The following GID4 variants were observed in gnomAD, a reference collection of about 807,000 sequenced individuals.
The protein encoded by GID4 is glucose-induced degradation protein 4 homolog.
GID4 carries 7 observed loss-of-function variants against 32.4 expected under a neutral mutation model. That is an observed-to-expected ratio of 0.22 (90% confidence interval 0.12 to 0.41). The LOEUF (loss-of-function observed/expected upper bound fraction) is 0.41, where lower values mean the gene tolerates loss of function less well. Among genes scored for constraint, GID4 ranks in the 10% least tolerant of loss-of-function variants. The pLI is 1.00. For synonymous variants in GID4, 166 were observed against 170.0 expected (o/e 0.98, Z 0.18); for missense variants, 309 against 400.0 (o/e 0.77, Z 1.94).
intron 2 of GID4, among the ~76,000 whole-genome samples, chr17:18,052,080 CAAA>C (rs11287932): frequency 1.4e-4 from 18 of 128,122 alleles, no homozygotes; most frequent in Non-Finnish European, 1.7e-4. Context: ...TCCCTCCCCC[CAAA>C]AAAAAAAAAA....
At chr17:18,048,144 G>A (rs569463607) in intron 2 of GID4, among the ~76,000 whole-genome samples, 2 of 151,382 alleles carry the variant, frequency 1.3e-5, no homozygotes, top group Non-Finnish European at 2.9e-5. Context: ...CTCATGATCC[G>A]CCTGTCTCGG....
intron 2 of GID4, among the ~76,000 whole-genome samples, chr17:18,051,982 G>C (rs556788073): frequency 3.3e-5 from 5 of 151,108 alleles, no homozygotes; most frequent in African/African-American, 1.2e-4. Flanking sequence ...GCTGAGGCAG[G>C]AGAATCACCT....
chr17:18,056,819 G>A, intron 3 of GID4: 4 of 1,550,624 alleles, frequency 2.6e-6, no homozygotes, highest in Non-Finnish European at 3.5e-6. Flanking sequence ...GGTTGAGCCA[G>A]GGAGCTGAAC....
At chr17:18,063,478 C>A (rs933816600) in intron 5 of GID4, among the ~76,000 whole-genome samples, 1 of 152,166 alleles carries the variant, frequency 6.6e-6, no homozygotes, top group African/African-American at 2.4e-5. Flanking sequence ...AAGTTTAGAA[C>A]ATTTTCATCA....
At chr17:18,040,773 T>G (rs2044791194) in intron 1 of GID4, among the ~76,000 whole-genome samples, 1 of 152,198 alleles carries the variant, frequency 6.6e-6, no homozygotes, top group Admixed American at 6.5e-5. Context: ...TTAACTTTTC[T>G]CTACACAGGC....
chr17:18,063,004 G>A (rs1300434257), intron 5 of GID4, among the ~76,000 whole-genome samples: 1 of 151,900 alleles, frequency 6.6e-6, no homozygotes, highest in Non-Finnish European at 1.5e-5. Context: ...AACCTGGGAG[G>A]TGGAGCTTGC....
rs769053973 is a variant in GID4 at position 18,039,697 on chromosome 17, C to T, written c.233C>T (p.Ala78Val). ...CCTCTCCCACTCCCCCCAGCCCTGG[C>T]TCCGGGGGACCCCGCGATGCCGGTC... ...AVPLPLPPAL[A>V]PGDPAMPVRT... Residue 78 changes from alanine to valine, a missense_variant, in exon 1 of 6, where the codon GCT becomes GTT. This residue lies in a region of GID4 where 193 missense variants were observed against 185.8 expected (regional missense o/e 1.04). Coordinates refer to ENST00000268719, the MANE Select transcript of GID4 (RefSeq NM_024052.5). The surrounding 1 kb of genome is among the most constrained non-coding windows in gnomAD (Gnocchi z 5.3). The T allele has an allele frequency of 1.4e-6, 2 of 1,472,920 alleles. No homozygotes were observed. The highest frequency in any genetic ancestry group is 1.5e-5 in the African/African-American group (1 of 68,250). The allele number at this position is 1,472,920 out of a possible 1,614,324, so 91.2% of individuals were successfully genotyped here.
At chr17:18,050,552 G>C (rs547946800) in intron 2 of GID4, among the ~76,000 whole-genome samples, 1 of 152,338 alleles carries the variant, frequency 6.6e-6, no homozygotes, top group East Asian at 1.9e-4. Context: ...AGCTGAAGTT[G>C]TGCTAGACTT....
chr17:18,043,081 G>C (rs2044818489), intron 1 of GID4, among the ~76,000 whole-genome samples: 1 of 152,152 alleles, frequency 6.6e-6, no homozygotes, highest in Admixed American at 6.6e-5. Context: ...AGGGAGCCCT[G>C]GTCGCTGTGA....
chr17:18,056,938 C>T, intron 3 of GID4: 6 of 1,550,628 alleles, frequency 3.9e-6, no homozygotes, highest in Non-Finnish European at 5.2e-6. Flanking sequence ...CGTGGGACTC[C>T]TGGAGCTCTG....
Position 18,061,781 on chromosome 17 carries a change from C to T in GID4, c.709-64C>T, listed in dbSNP as rs976489471. The T allele has an allele frequency of 1.2e-5, 19 of 1,539,662 alleles. No homozygotes were observed. The highest frequency in any genetic ancestry group is 1.6e-5 in the Non-Finnish European group (18 of 1,114,980). On this transcript the variant is annotated intron_variant, in intron 4 of 5. Coordinates refer to ENST00000268719, the MANE Select transcript of GID4 (RefSeq NM_024052.5). The surrounding 1 kb of genome is among the most constrained non-coding windows in gnomAD (Gnocchi z 4.4). ...GTCCTTAGAACCCCCTGATGCTTAA[C>T]AGGGAGGCCCCGTGGGTGGTCAGAG...
chr17:18,045,928 G>A (rs1398927770), intron 2 of GID4, among the ~76,000 whole-genome samples: 1 of 151,846 alleles, frequency 6.6e-6, no homozygotes, highest in East Asian at 1.9e-4. Context: ...AAGGGGAAGT[G>A]ACCATCTAGT....
intron 2 of GID4, 149 bp downstream of exon 2, chr17:18,045,355 C>T (rs944829481): frequency 3.7e-6 from 2 of 537,414 alleles, no homozygotes; most frequent in South Asian, 2.7e-5. Context: ...GAACATAAAA[C>T]AGGCAGTTTC....
At chr17:18,057,074 A>C in intron 3 of GID4, 2 of 1,523,688 alleles carry the variant, frequency 1.3e-6, no homozygotes, top group Non-Finnish European at 1.8e-6. Flanking sequence ...AGTGGTATTT[A>C]AGTTGCTATT....
intron 4 of GID4, among the ~76,000 whole-genome samples, chr17:18,060,314 C>T (rs1357723756): frequency 6.8e-6 from 1 of 147,508 alleles, no homozygotes; most frequent in Non-Finnish European, 1.5e-5. Flanking sequence ...AGGAGAATCA[C>T]TTGAACCCAG....
At chr17:18,042,186 G>C (rs2955381) in intron 1 of GID4, among the ~76,000 whole-genome samples, 90,374 of 152,034 alleles carry the variant, frequency 0.59, 28,006 homozygotes, top group Non-Finnish European at 0.68. Context: ...TATTTAGATA[G>C]AATTCACTTA....
At chr17:18,059,949 GT>G (rs1306577303) in intron 4 of GID4, among the ~76,000 whole-genome samples, 1 of 151,806 alleles carries the variant, frequency 6.6e-6, no homozygotes, top group Non-Finnish European at 1.5e-5. Flanking sequence ...AGCCGGGCAT[GT>G]TGGCATGCCC....
intron 4 of GID4, among the ~76,000 whole-genome samples, chr17:18,060,924 G>A (rs1407978512): frequency 2.6e-5 from 4 of 152,026 alleles, no homozygotes; most frequent in East Asian, 1.9e-4. Context: ...TAGTAGAGAC[G>A]GGTTTTCGCC....
chr17:18,059,282 G>C (rs920345676), intron 4 of GID4, among the ~76,000 whole-genome samples: 6 of 152,120 alleles, frequency 3.9e-5, no homozygotes, highest in Admixed American at 6.5e-5. Flanking sequence ...CAAGAATCTT[G>C]TTGAACCCCC....
Sources: gnomAD v4.1 joint callset for allele counts (sites outside exome capture counted in the v4.1 genomes callset) on GRCh38, gnomAD v4.1.1 for gene constraint, gnomAD v4.1.1 regional missense constraint, Gnocchi (gnomAD v3.1) non-coding constraint, MANE v1.5 for transcripts, NCBI Gene and HGNC (gene_info 2026-07-23, HGNC 2026-07-21) for gene names.